The following VRK2 variants were observed in gnomAD, a reference collection of about 807,000 sequenced individuals.
VRK2 encodes the protein serine/threonine-protein kinase VRK2.
In VRK2, 60 loss-of-function variants were observed where a neutral mutation model predicts 57.6. The ratio of observed to expected loss-of-function variants is 1.04; its 90% CI spans 0.85 to 1.29. The LOEUF is 1.29. VRK2 is among the 50% of genes most tolerant of loss of function. The pLI, the probability that VRK2 is intolerant of heterozygous loss-of-function variation, is 0.00. For synonymous variants in VRK2, 231 were observed against 199.2 expected, an observed-to-expected ratio of 1.16 and a Z score of -1.35; for missense variants, 705 against 588.1, an observed-to-expected ratio of 1.20 and a Z score of -2.06.
At chr2:58,094,900 A>G (rs1452139829) in intron 7 of VRK2, among the ~76,000 whole-genome samples, 1 of 152,198 alleles carries the variant, frequency 6.6e-6, no homozygotes, top group African/African-American at 2.4e-5. Flanking sequence ...AATGTAATTT[A>G]ACATTGGATT....
chr2:57,976,115 T>G (rs1309569407), intron 1 of VRK2, among the ~76,000 whole-genome samples: 1 of 152,168 alleles, frequency 6.6e-6, no homozygotes, highest in Non-Finnish European at 1.5e-5. Flanking sequence ...CGTGGCTGTG[T>G]AGTATTCCAT....
At chr2:58,081,363 G>C (rs191157226) in intron 2 of VRK2, among the ~76,000 whole-genome samples, 1 of 151,944 alleles carries the variant, frequency 6.6e-6, no homozygotes, top group African/African-American at 2.4e-5. Context: ...AGATTTCAGA[G>C]ATGTTAACAT....
chr2:58,049,159 C>T (rs1471909816), intron 2 of VRK2, among the ~76,000 whole-genome samples, 192 bp downstream of exon 2: 1 of 152,080 alleles, frequency 6.6e-6, no homozygotes, highest in African/African-American at 2.4e-5. Context: ...CCTTGTTGTC[C>T]ATGTTTTTCT....
chr2:58,006,184 G>T (rs1673236596), intron 1 of VRK2, among the ~76,000 whole-genome samples: 1 of 152,176 alleles, frequency 6.6e-6, no homozygotes, highest in Non-Finnish European at 1.5e-5. Context: ...GGTATAAAGG[G>T]TGTGAGATAA....
chr2:58,145,843 A>G (rs115632484), intron 11 of VRK2, among the ~76,000 whole-genome samples: 20,852 of 151,864 alleles, frequency 0.14, 2,101 homozygotes, highest in African/African-American at 0.28. Context: ...TCTCTGTTCA[A>G]TTCCCACGTA....
intron 1 of VRK2, among the ~76,000 whole-genome samples, chr2:58,003,278 T>C (rs1558535311): frequency 6.6e-6 from 1 of 152,158 alleles, no homozygotes; most frequent in South Asian, 2.1e-4. Flanking sequence ...TGACAAAATA[T>C]GGGTTCCATA....
At chr2:58,139,006 G>A (rs972483460) in intron 10 of VRK2, among the ~76,000 whole-genome samples, 2 of 152,070 alleles carry the variant, frequency 1.3e-5, no homozygotes. Context: ...TTACTATGTA[G>A]TTCTAGGGGA....
At chr2:58,046,729 GT>G, upstream of VRK2, 1 of 985,570 alleles carries the variant, frequency 1.0e-6, no homozygotes, top group East Asian at 1.1e-4. Flanking sequence ...CTGGAGAGAA[GT>G]TAGGCAGGTC....
At chr2:58,058,570 G>C (rs1484375060) in intron 2 of VRK2, 1 of 273,514 alleles carries the variant, frequency 3.7e-6, no homozygotes, top group Non-Finnish European at 7.5e-6. Flanking sequence ...ATAGAACACA[G>C]AAAAGTAAAA....
chr2:58,106,792 A>T (rs1284994645), intron 7 of VRK2, among the ~76,000 whole-genome samples: 1 of 152,074 alleles, frequency 6.6e-6, no homozygotes, highest in Non-Finnish European at 1.5e-5. Flanking sequence ...TAAAAGATAA[A>T]CTATAGTTTT....
At chr2:58,070,699 C>A (rs1181373902) in intron 2 of VRK2, among the ~76,000 whole-genome samples, 1 of 152,032 alleles carries the variant, frequency 6.6e-6, no homozygotes, top group Non-Finnish European at 1.5e-5. Flanking sequence ...GTTTGTTTAT[C>A]CATTCACCTG....
intron 1 of VRK2, among the ~76,000 whole-genome samples, chr2:57,953,144 T>A (rs1572900024): frequency 6.6e-6 from 1 of 152,298 alleles, no homozygotes; most frequent in Admixed American, 6.5e-5. Flanking sequence ...AAGATGATGA[T>A]CCAGAAACTA....
intron 1 of VRK2, among the ~76,000 whole-genome samples, chr2:58,003,441 A>G (rs1239860670): frequency 1.3e-5 from 2 of 152,134 alleles, no homozygotes; most frequent in Admixed American, 6.5e-5. Context: ...ATGAATATGT[A>G]TCAATATTAT....
chr2:58,008,938 T>C (rs540459771), intron 1 of VRK2, among the ~76,000 whole-genome samples: 38 of 152,228 alleles, frequency 2.5e-4, no homozygotes. Flanking sequence ...GATGGCACCT[T>C]GTTGCTGCAT....
At position 58,110,914 on chromosome 2, in the gene VRK2, T is replaced by C. The variant is rs112235684; in HGVS notation, c.544-12187T>C. 8.1e-4 allele frequency among the ~76,000 whole-genome samples: 124 copies of C among 152,192 alleles called. 1 individual carries two copies. Among genetic ancestry groups the C allele is most frequent in the Non-Finnish European group, 2.5e-4 (17 of 68,028 alleles). ...TGTAGAAATAGTCACACCCTCTCCA[T>C]GATCAACTGCCCAGGAAGAGTGTGG... On this transcript the variant is annotated intron_variant, in intron 7 of 12. Transcript: ENST00000340157.
chr2:57,994,653 G>A (rs1048990895), intron 1 of VRK2, among the ~76,000 whole-genome samples: 1 of 152,042 alleles, frequency 6.6e-6, no homozygotes, highest in African/African-American at 2.4e-5. Context: ...TTTGGTCTCA[G>A]GGCCCCCTTG....
chr2:58,015,795 C>A (rs72949124), intron 1 of VRK2, among the ~76,000 whole-genome samples: 2,547 of 152,178 alleles, frequency 0.017, 86 homozygotes, highest in African/African-American at 0.058. Context: ...CATGGGAAAA[C>A]ATGTTGCCCT....
rs1674811810 is a variant in VRK2, at chr2:58,046,817, G to T, written c.-57G>T. 2.0e-6 allele frequency: 2 copies of T among 985,648 alleles called. No individual in the cohort carries two copies. Among genetic ancestry groups the T allele is most frequent in the South Asian group, 4.7e-5 (1 of 21,298 alleles). 61.1% of individuals were successfully genotyped at this position (985,648 alleles called of 1,614,324 possible). A position where few individuals can be genotyped will look rare whatever the true frequency, so the allele number is the denominator to read the frequency against. On this transcript the variant is annotated 5_prime_UTR_variant, in exon 1 of 13. Coordinates refer to ENST00000340157, the MANE Select transcript of VRK2 (RefSeq NM_006296.7). ...CCCGGGGGCTCCGCCTCGTCGCAGCGGCAGGTAGGAGGCGGTGCGCGCGGC... is the reference window on the plus strand; with the variant it reads ...CCCGGGGGCTCCGCCTCGTCGCAGCTGCAGGTAGGAGGCGGTGCGCGCGGC...
At chr2:58,136,717 A>G (rs1343970605) in intron 10 of VRK2, among the ~76,000 whole-genome samples, 1 of 150,366 alleles carries the variant, frequency 6.7e-6, no homozygotes, top group Non-Finnish European at 1.5e-5. Flanking sequence ...TGTATAGTTC[A>G]TCTTTTAATC....
Sources: gnomAD v4.1 joint callset for allele counts (sites outside exome capture counted in the v4.1 genomes callset) on GRCh38, gnomAD v4.1.1 for gene constraint, MANE v1.5 for transcripts, NCBI Gene and HGNC (gene_info 2026-07-23, HGNC 2026-07-21) for gene names.